HAS2: variants seen among roughly 807,000 people sequenced by gnomAD.
The protein encoded by HAS2 is HA synthase 2.
In HAS2, 16 loss-of-function variants were observed where a neutral mutation model predicts 51.6. The ratio of observed to expected loss-of-function variants is 0.31; its 90% CI spans 0.21 to 0.47. The LOEUF (loss-of-function observed/expected upper bound fraction) is 0.47. Ranked by LOEUF, HAS2 falls within the 20% of genes least tolerant of loss-of-function variation. The pLI is 1.00. For synonymous variants in HAS2, 228 were observed against 235.5 expected, an observed-to-expected ratio of 0.97 and a Z score of 0.29; for missense variants, 361 against 662.6, an observed-to-expected ratio of 0.54 and a Z score of 5.00.
intron 2 of HAS2, among the ~76,000 whole-genome samples, chr8:121,622,051 C>A (rs755506337): frequency 3.2e-5 from 4 of 126,120 alleles, no homozygotes; most frequent in Admixed American, 2.5e-4. Flanking sequence ...TTCATCTTAA[C>A]CTTGACTCTT....
rs1586500015 is a variant in HAS2 at position 121,612,291 on chromosome 8, A to C, written c.*1818T>G. ...TAACTTAGAACATAAATAGTTAAAAAGGCAAACTCAAGTTTTCATCTCATT... is the reference window on the plus strand; with the variant it reads ...TAACTTAGAACATAAATAGTTAAAACGGCAAACTCAAGTTTTCATCTCATT... On this transcript the variant is annotated 3_prime_UTR_variant, in exon 4 of 4. Coordinates refer to ENST00000303924, the MANE Select transcript of HAS2 (RefSeq NM_005328.3). 3.3e-5 allele frequency: 5 copies of C among 152,338 alleles called. No individual in the cohort carries two copies. The South Asian group carries it at 1.0e-3, about 32-fold the overall frequency. 9.4% of individuals were successfully genotyped at this position (152,338 alleles called of 1,614,324 possible). A position where few individuals can be genotyped will look rare whatever the true frequency, so the allele number is the denominator to read the frequency against.
intron 1 of HAS2, among the ~76,000 whole-genome samples, chr8:121,636,122 G>A (rs1379722713): frequency 6.6e-6 from 1 of 152,230 alleles, no homozygotes; most frequent in African/African-American, 2.4e-5. Context: ...GATATGGGCT[G>A]TGCCCAGGTC....
chr8:121,614,518 C>A lies in HAS2; in HGVS notation c.1250G>T (p.Gly417Val). ...GCTGGCAAAAGATGATTTTATGAGA[C>A]CTACTAGCTGGACAGTTAACAAGAA... ...LLFLLTVQLV[G>V]LIKSSFASCL... The change falls in exon 4 of 4, where the codon GGT becomes GTT. Residue 417 changes from glycine (G) to valine (V), a missense_variant. This residue lies in a region of HAS2 where 106 missense variants were observed against 241.0 expected (regional missense o/e 0.44). Coordinates refer to ENST00000303924, the MANE Select transcript of HAS2 (RefSeq NM_005328.3). The surrounding 1 kb of genome is among the most constrained non-coding windows in gnomAD (Gnocchi z 7.2). 6.2e-7 allele frequency: 1 copy of A among 1,614,096 alleles called. No homozygotes were observed. The highest frequency in any genetic ancestry group is 8.5e-7 in the Non-Finnish European group (1 of 1,179,986).
intron 1 of HAS2, among the ~76,000 whole-genome samples, chr8:121,630,210 T>C (rs531279214): frequency 4.6e-5 from 7 of 152,104 alleles, no homozygotes; most frequent in Non-Finnish European, 8.8e-5. Context: ...GTAGAAATAG[T>C]GAATACATTA....
intron 1 of HAS2, among the ~76,000 whole-genome samples, chr8:121,640,446 G>GTGTGTGTGTGTGTGT (rs1563625817): frequency 8.2e-6 from 1 of 121,770 alleles, no homozygotes; most frequent in East Asian, 2.2e-4. Flanking sequence ...TGTGTGTGTG[G>GTGTGTGTGTGTGTGT]GAAAAAAAGA....
intron 2 of HAS2, among the ~76,000 whole-genome samples, chr8:121,626,328 A>C (rs989989406): frequency 6.6e-6 from 1 of 152,162 alleles, no homozygotes; most frequent in Non-Finnish European, 1.5e-5. Context: ...AGGCTATGAG[A>C]GCAATAAGCA....
intron 2 of HAS2, among the ~76,000 whole-genome samples, chr8:121,617,802 T>C (rs994472977): frequency 9.2e-5 from 14 of 152,158 alleles, no homozygotes; most frequent in Non-Finnish European, 1.8e-4. Flanking sequence ...TTCTAAAGAT[T>C]GTATAGTTCT....
At position 121,612,764 on chromosome 8, in the gene HAS2, C is replaced by T. The variant is rs781190696; in HGVS notation, c.*1345G>A. The stretch of plus-strand genomic sequence containing the variant: ...ACTGTGTAGACATTTTTATACAGGT[C>T]CAGAACAGGAAATAGGAAGTGATGA... On this transcript the variant is annotated 3_prime_UTR_variant, in exon 4 of 4. Transcript: ENST00000303924. The T allele has an allele frequency of 7.9e-5, 12 of 151,774 alleles. No individual in the cohort carries two copies. The highest frequency in any genetic ancestry group is 1.0e-4 in the Non-Finnish European group (7 of 67,934). 9.4% of individuals were successfully genotyped at this position (151,774 alleles called of 1,614,324 possible). A position where few individuals can be genotyped will look rare whatever the true frequency, so the allele number is the denominator to read the frequency against.
chr8:121,618,094 T>C (rs1812730658), intron 2 of HAS2, among the ~76,000 whole-genome samples: 1 of 152,146 alleles, frequency 6.6e-6, no homozygotes, highest in Non-Finnish European at 1.5e-5. Flanking sequence ...CTAATAGATA[T>C]TTCTATTGGA....
At chr8:121,632,735 CTCATCA>C (rs78052408) in intron 1 of HAS2, among the ~76,000 whole-genome samples, 11 of 148,012 alleles carry the variant, frequency 7.4e-5, no homozygotes, top group Non-Finnish European at 1.2e-4. Flanking sequence ...TGCAAATTTA[CTCATCA>C]TCATCATCAT....
At chr8:121,639,104 A>C (rs1315163482) in intron 1 of HAS2, among the ~76,000 whole-genome samples, 1 of 152,242 alleles carries the variant, frequency 6.6e-6, no homozygotes, top group Admixed American at 6.5e-5. Context: ...TACAATGAGC[A>C]GTGAAGTTGT....
At chr8:121,636,662 T>G (rs1813014345) in intron 1 of HAS2, among the ~76,000 whole-genome samples, 1 of 152,200 alleles carries the variant, frequency 6.6e-6, no homozygotes, top group Admixed American at 6.5e-5. Context: ...AACTTCACCA[T>G]CCTAAACTTA....
At chr8:121,618,159 A>C (rs1225576029) in intron 2 of HAS2, among the ~76,000 whole-genome samples, 2 of 152,246 alleles carry the variant, frequency 1.3e-5, no homozygotes, top group Non-Finnish European at 2.9e-5. Context: ...TGATTTCCAA[A>C]TCAACTGAAA....
intron 3 of HAS2, among the ~76,000 whole-genome samples, chr8:121,615,240 T>C (rs147586136): frequency 1.3e-5 from 2 of 152,346 alleles, no homozygotes; most frequent in African/African-American, 4.8e-5. Context: ...TATGCATGTG[T>C]TGCGATTCTT....
chr8:121,624,277 A>T (rs1030683579), intron 2 of HAS2, among the ~76,000 whole-genome samples: 2 of 152,198 alleles, frequency 1.3e-5, no homozygotes, highest in Non-Finnish European at 2.9e-5. Flanking sequence ...AGCACAAAAA[A>T]GGGAAAAATG....
At position 121,613,228 on chromosome 8, in the gene HAS2, C is replaced by T. The variant is rs1415058797; in HGVS notation, c.*881G>A. On this transcript the variant is annotated 3_prime_UTR_variant, in exon 4 of 4. Coordinates refer to ENST00000303924, the MANE Select transcript of HAS2 (RefSeq NM_005328.3). ...AAATCTTAATGAAAAAATTGCACTACCTTTGGCCTTGATTTTCAACGATTT... is the reference window on the plus strand; with the variant it reads ...AAATCTTAATGAAAAAATTGCACTATCTTTGGCCTTGATTTTCAACGATTT... The T allele has an allele frequency of 6.6e-6, 1 of 152,006 alleles. No individual in the cohort carries two copies. Among genetic ancestry groups the T allele is most frequent in the Non-Finnish European group, 1.5e-5 (1 of 67,980 alleles). 9.4% of individuals were successfully genotyped at this position (152,006 alleles called of 1,614,324 possible).
intron 1 of HAS2, among the ~76,000 whole-genome samples, chr8:121,635,827 A>C (rs993515405): frequency 1.3e-5 from 2 of 152,258 alleles, no homozygotes; most frequent in Non-Finnish European, 2.9e-5. Context: ...TTTATGCATA[A>C]ACTCATGTTG....
chr8:121,637,673 G>A (rs2130454641), intron 1 of HAS2, among the ~76,000 whole-genome samples: 1 of 152,322 alleles, frequency 6.6e-6, no homozygotes, highest in East Asian at 1.9e-4. Context: ...TTATAGGCAT[G>A]AGCAAAATAT....
chr8:121,617,969 ATTG>A (rs1812727435), intron 2 of HAS2, among the ~76,000 whole-genome samples: 4 of 151,376 alleles, frequency 2.6e-5, no homozygotes, highest in Admixed American at 2.0e-4. Flanking sequence ...AGAAATGCCC[ATTG>A]TTGTTTTTAA....
Sources: allele counts gnomAD v4.1 joint callset (sites outside exome capture counted in the v4.1 genomes callset), GRCh38; gene constraint gnomAD v4.1.1; regional missense constraint gnomAD v4.1.1; non-coding constraint Gnocchi (gnomAD v3.1); transcripts MANE v1.5; gene names NCBI Gene and HGNC (gene_info 2026-07-23, HGNC 2026-07-21).